The following MTFR1 variants were observed in gnomAD, a reference collection of about 807,000 sequenced individuals.
The protein encoded by MTFR1 is mitochondrial fission regulator 1.
Under a neutral mutation model 38.8 loss-of-function variants are expected in MTFR1, and 28 were observed. The observed-to-expected ratio is 0.72, with a 90% confidence interval of 0.53 to 0.99. The LOEUF (loss-of-function observed/expected upper bound fraction) is 0.99. Among genes scored for constraint, MTFR1 ranks in the 50% least tolerant of loss-of-function variants. MTFR1 has a pLI of 0.00. For synonymous variants in MTFR1, 145 were observed against 137.0 expected (o/e 1.06, Z -0.41); for missense variants, 358 against 395.5 (o/e 0.91, Z 0.81).
rs1010288735 is a variant in MTFR1, at chr8:65,723,883, G to A, written c.*48+4402G>A. ...CATTAATATACAACCTGAAAGGAAGGTTCATGAAATAAAGATTCCTGGATC... is the reference window on the plus strand; with the variant it reads ...CATTAATATACAACCTGAAAGGAAGATTCATGAAATAAAGATTCCTGGATC... On this transcript the variant is annotated intron_variant, in intron 3 of 3. Coordinates refer to the MTFR1 transcript ENST00000521247. 2.6e-5 allele frequency among the ~76,000 whole-genome samples: 4 copies of A among 152,188 alleles called. No individual in the cohort carries two copies. The East Asian group carries it at 7.7e-4, about 29-fold the overall frequency.
At chr8:65,767,756 C>T (rs1808864721) in intron 3 of MTFR1, among the ~76,000 whole-genome samples, 1 of 152,086 alleles carries the variant, frequency 6.6e-6, no homozygotes, top group Non-Finnish European at 1.5e-5. Context: ...AGTTCTGCAC[C>T]CCTTCCCCCA....
In MTFR1 at chr8:65,728,649, C is replaced by G. The variant is rs532955184; in HGVS notation, c.*48+9168C>G. 5 of 120,732 alleles carry G rather than the reference C, an allele frequency of 4.1e-5. No individual in the cohort carries two copies. In the South Asian group the frequency reaches 7.3e-4, roughly 18 times the overall value. The allele number at this position is 120,732 out of a possible 1,614,324, so 7.5% of individuals were successfully genotyped here. A position where few individuals can be genotyped will look rare whatever the true frequency, so the allele number is the denominator to read the frequency against. ...CAGAATGCATAGGATATAAAGCATA[C>G]TGCATATAAAGCAATCTCCCCTCCT... is the stretch of plus-strand genomic sequence containing the variant. On this transcript the variant is annotated intron_variant, in intron 3 of 3. Transcript: ENST00000521247.
chr8:65,685,975 T>C (rs1176481630), intron 3 of MTFR1, among the ~76,000 whole-genome samples: 1 of 152,092 alleles, frequency 6.6e-6, no homozygotes, highest in Non-Finnish European at 1.5e-5. Flanking sequence ...TAAGGCCAGA[T>C]AGAAATTGAG....
In MTFR1 at chr8:65,670,091, T is replaced by G. The variant is rs1028504302; in HGVS notation, c.66+73T>G. 8 of 1,250,592 alleles carry G rather than the reference T, an allele frequency of 6.4e-6. No individual in the cohort carries two copies. In the African/African-American group the frequency reaches 1.1e-4, roughly 17 times the overall value. 77.5% of individuals were successfully genotyped at this position (1,250,592 alleles called of 1,614,324 possible). A position where few individuals can be genotyped will look rare whatever the true frequency, so the allele number is the denominator to read the frequency against. On this transcript the variant is annotated intron_variant, in intron 2 of 7. Coordinates refer to ENST00000262146, the MANE Select transcript of MTFR1 (RefSeq NM_014637.4). ...AAGAATTTTTTCTGAGAAAATGAAA[T>G]AAATCTATATATGACCAACATCTTG...
intron 3 of MTFR1, among the ~76,000 whole-genome samples, chr8:65,741,907 C>G (rs17396066): frequency 0.039 from 5,979 of 152,216 alleles, 175 homozygotes; most frequent in Non-Finnish European, 0.06. Context: ...GGAATTCAGG[C>G]AAAGTGCAGT....
rs1805348040 is a variant in MTFR1 at position 65,693,652 on chromosome 8, C to A, written c.174C>A (p.Ser58Arg). Residue 58 changes from serine to arginine, a missense_variant, in exon 4 of 8, where the codon AGC becomes AGA. Physicochemically the swap from Ser to Arg is moderately radical, Grantham distance 110 (BLOSUM62 -1). Coordinates refer to ENST00000262146, the MANE Select transcript of MTFR1 (RefSeq NM_014637.4). The part of the protein sequence containing the change: ...QCPRVQFQIN[S>R]HATEWSPSHP... ...CTATTTATAACTTACAGATTAACAG[C>A]CATGCAACAGAATGGAGTCCCAGCC... 1.2e-6 allele frequency: 2 copies of A among 1,613,516 alleles called. No homozygotes were observed. Among genetic ancestry groups the A allele is most frequent in the Non-Finnish European group, 1.7e-6 (2 of 1,179,632 alleles).
intron 2 of MTFR1, among the ~76,000 whole-genome samples, chr8:65,677,314 C>A (rs1804738661): frequency 6.6e-6 from 1 of 151,354 alleles, no homozygotes; most frequent in South Asian, 2.1e-4. Context: ...AGATGATCCA[C>A]CCGCCTCGGC....
intron 3 of MTFR1, among the ~76,000 whole-genome samples, chr8:65,729,364 CTTTTT>C (rs10540107): frequency 2.9e-4 from 23 of 80,078 alleles, no homozygotes; most frequent in South Asian, 5.3e-4. Context: ...TTGGTGGTAG[CTTTTT>C]TTTTTTTTTT....
At chr8:65,748,333 C>T (rs1487339568) in intron 3 of MTFR1, among the ~76,000 whole-genome samples, 1 of 152,056 alleles carries the variant, frequency 6.6e-6, no homozygotes. Context: ...GAAGGGGGAG[C>T]AAAGTGGTTT....
intron 1 of MTFR1, among the ~76,000 whole-genome samples, chr8:65,645,474 C>G (rs1031657933): frequency 3.9e-5 from 6 of 152,228 alleles, no homozygotes; most frequent in Admixed American, 3.9e-4. Flanking sequence ...ATTCACTGTA[C>G]TCATTACCCA....
chr8:65,709,956 T>G lies in MTFR1; in HGVS notation c.*912T>G, dbSNP rs1467360832. ...ACATTGACTTGGCAAATGAATTTCCTATAAATTATCATTGGTCAGAATGCT... is the reference window on the plus strand; with the variant it reads ...ACATTGACTTGGCAAATGAATTTCCGATAAATTATCATTGGTCAGAATGCT... On this transcript the variant is annotated 3_prime_UTR_variant, in exon 8 of 8. Transcript: ENST00000262146. 1 of 152,568 alleles carries G rather than the reference T, an allele frequency of 6.6e-6. No individual in the cohort carries two copies. The highest frequency in any genetic ancestry group is 1.5e-5 in the Non-Finnish European group (1 of 68,034). 9.5% of individuals were successfully genotyped at this position (152,568 alleles called of 1,614,324 possible). A position where few individuals can be genotyped will look rare whatever the true frequency, so the allele number is the denominator to read the frequency against.
rs1306082511 is a variant in MTFR1, at chr8:65,663,071, G to A, written c.-80-6802G>A. ...GAGAACGGGCCATGATGACAATGGC[G>A]GTTTTGTGGAATAGAAAGGGGGGAA... On this transcript the variant is annotated intron_variant, in intron 1 of 7. Coordinates refer to ENST00000262146, the MANE Select transcript of MTFR1 (RefSeq NM_014637.4). Among the ~76,000 whole-genome samples the A allele has an allele frequency of 3.3e-5, 5 of 152,264 alleles. No individual in the cohort carries two copies. The East Asian group carries it at 9.7e-4, about 29-fold the overall frequency.
chr8:65,648,698 G>A (rs147291560), intron 1 of MTFR1, among the ~76,000 whole-genome samples: 10 of 152,260 alleles, frequency 6.6e-5, no homozygotes, highest in African/African-American at 2.4e-4. Flanking sequence ...TGAGTTGGTT[G>A]TGGTTAAAAT....
chr8:65,730,764 C>A (rs945346648), intron 3 of MTFR1, among the ~76,000 whole-genome samples: 6 of 152,010 alleles, frequency 3.9e-5, no homozygotes, highest in Non-Finnish European at 8.8e-5. Context: ...CCCATCTCTA[C>A]TAAAAACACA....
At chr8:65,685,522 A>G (rs1421927205) in intron 3 of MTFR1, among the ~76,000 whole-genome samples, 1 of 152,218 alleles carries the variant, frequency 6.6e-6, no homozygotes, top group Non-Finnish European at 1.5e-5. Flanking sequence ...GGTGGTGGAA[A>G]AGGACTGTTT....
chr8:65,730,140 T>C (rs1806794824), intron 3 of MTFR1, among the ~76,000 whole-genome samples: 1 of 147,714 alleles, frequency 6.8e-6, no homozygotes, highest in East Asian at 2.1e-4. Flanking sequence ...TATTGTAAAC[T>C]GTGCATGTGA....
chr8:65,687,809 C>A (rs1297790846), intron 3 of MTFR1, among the ~76,000 whole-genome samples: 2 of 152,020 alleles, frequency 1.3e-5, no homozygotes, highest in Non-Finnish European at 2.9e-5. Context: ...TATTAAAATA[C>A]AGCAATTCGG....
At chr8:65,762,476 A>C (rs1318325015) in intron 3 of MTFR1, among the ~76,000 whole-genome samples, 1 of 152,200 alleles carries the variant, frequency 6.6e-6, no homozygotes, top group Non-Finnish European at 1.5e-5. Context: ...GGAATTAGAC[A>C]CATCTGAGTT....
At chr8:65,676,748 C>A (rs1435628946) in intron 2 of MTFR1, among the ~76,000 whole-genome samples, 5 of 152,162 alleles carry the variant, frequency 3.3e-5, no homozygotes, top group African/African-American at 1.2e-4. Flanking sequence ...TAAAACTAGT[C>A]TATAATAAAT....
Sources: gnomAD v4.1 joint callset for allele counts (sites outside exome capture counted in the v4.1 genomes callset) on GRCh38, gnomAD v4.1.1 for gene constraint, MANE v1.5 for transcripts, NCBI Gene and HGNC (gene_info 2026-07-23, HGNC 2026-07-21) for gene names.